MAP2K5: variants seen among roughly 807,000 people sequenced by gnomAD.
MAP2K5 encodes mitogen-activated protein kinase kinase 5.
A neutral mutation model predicts 83.1 loss-of-function variants in MAP2K5; 49 were observed. That is an observed-to-expected ratio of 0.59 (90% CI 0.47 to 0.75). The LOEUF (loss-of-function observed/expected upper bound fraction) is 0.75. MAP2K5 is among the 30% of genes least tolerant of loss of function. The probability of loss-of-function intolerance (pLI) is 0.00; values close to 1 mark genes in which losing one functional copy is unlikely to be tolerated. For missense variants in MAP2K5, 457 were observed against 557.5 expected (o/e 0.82, Z 1.82); for synonymous variants, 202 against 191.8 (o/e 1.05, Z -0.44).
At position 67,802,875 on chromosome 15, in the gene MAP2K5, A is replaced by G. The variant is rs930845543; in HGVS notation, c.1243-3771A>G. On this transcript the variant is annotated intron_variant, in intron 21 of 21. Transcript: ENST00000178640. The surrounding 1 kb of genome is among the most constrained non-coding windows in gnomAD (Gnocchi z 5.0). ...CTGGGAGGGATGTACATTTCACCCA[A>G]GCCCAGGGGAGGGACCAGCCGCAGG... Among the ~76,000 whole-genome samples the G allele has an allele frequency of 3.3e-5, 5 of 152,220 alleles. No individual in the cohort carries two copies. The highest frequency in any genetic ancestry group is 1.2e-4 in the African/African-American group (5 of 41,462).
intron 3 of MAP2K5, among the ~76,000 whole-genome samples, chr15:67,568,706 A>C (rs2140974175): frequency 6.6e-6 from 1 of 152,252 alleles, no homozygotes; most frequent in East Asian, 1.9e-4. Context: ...TTGTAGAGAA[A>C]TGTAAAAAAT....
chr15:67,713,735 C>G (rs937422973), intron 16 of MAP2K5, among the ~76,000 whole-genome samples: 2 of 122,886 alleles, frequency 1.6e-5, no homozygotes, highest in African/African-American at 6.0e-5. Context: ...GACTCCGTCT[C>G]AAAAAAAAAA....
At chr15:67,707,032 C>T (rs1228142254) in intron 16 of MAP2K5, among the ~76,000 whole-genome samples, 1 of 152,232 alleles carries the variant, frequency 6.6e-6, no homozygotes, top group Non-Finnish European at 1.5e-5. Context: ...TCTCCTGCCT[C>T]AGCCTCCCGA....
chr15:67,666,023 T>A (rs2087369075), intron 13 of MAP2K5, among the ~76,000 whole-genome samples: 1 of 152,178 alleles, frequency 6.6e-6, no homozygotes, highest in Non-Finnish European at 1.5e-5. Context: ...TTCTCAAAAT[T>A]TTATTGATTC....
chr15:67,575,818 A>G (rs1261736996), intron 3 of MAP2K5, among the ~76,000 whole-genome samples: 1 of 151,960 alleles, frequency 6.6e-6, no homozygotes, highest in Non-Finnish European at 1.5e-5. Flanking sequence ...CCTAACACAC[A>G]TAGGTATCCA....
chr15:67,602,154 C>A (rs1461895329), intron 8 of MAP2K5, among the ~76,000 whole-genome samples: 2 of 152,210 alleles, frequency 1.3e-5, no homozygotes, highest in Non-Finnish European at 2.9e-5. Context: ...TCCCACGCAA[C>A]CTCCACTATA....
At position 67,562,498 on chromosome 15, in the gene MAP2K5, C is replaced by T. The variant is rs543658657; in HGVS notation, c.185-785C>T. 7.2e-5 allele frequency among the ~76,000 whole-genome samples: 11 copies of T among 152,260 alleles called. No homozygotes were observed. The highest frequency in any genetic ancestry group is 1.3e-4 in the Admixed American group (2 of 15,294). On this transcript the variant is annotated intron_variant, in intron 2 of 21. Transcript: ENST00000178640. This position sits in a 1 kb window ranked among gnomAD's most constrained non-coding sequence, Gnocchi z 4.1. ...TTTCTAGATGTGGCCTCTGATGATA[C>T]TTACTCAAATTTACACATTCTGGTT...
intron 8 of MAP2K5, among the ~76,000 whole-genome samples, chr15:67,623,325 A>G (rs2086229780): frequency 6.6e-6 from 1 of 152,242 alleles, no homozygotes; most frequent in South Asian, 2.1e-4. Flanking sequence ...TAAGAAATCT[A>G]GAAGTTGGAA....
intron 21 of MAP2K5, among the ~76,000 whole-genome samples, chr15:67,773,677 G>A (rs2090183680): frequency 6.6e-6 from 1 of 152,170 alleles, no homozygotes; most frequent in African/African-American, 2.4e-5. Context: ...TTCCAGGAAG[G>A]TACTTTCCTC....
Position 67,690,330 on chromosome 15 carries a change from A to AC in MAP2K5, c.848-2146dup, listed in dbSNP as rs1430081126. 1.3e-5 allele frequency among the ~76,000 whole-genome samples: 2 copies of AC among 152,112 alleles called. No homozygotes were observed. The highest frequency in any genetic ancestry group is 6.5e-5 in the Admixed American group (1 of 15,270). On this transcript the variant is annotated intron_variant, in intron 13 of 21. Coordinates refer to ENST00000178640, the MANE Select transcript of MAP2K5 (RefSeq NM_145160.3). This position sits in a 1 kb window ranked among gnomAD's most constrained non-coding sequence, Gnocchi z 4.3. ...CTACTGGGGCACACTTGAAAGCACA[A>AC]CCCTGTTCTTAAGGAATTCATGTTC...
chr15:67,650,283 G>A (rs1448934315), intron 11 of MAP2K5, among the ~76,000 whole-genome samples: 1 of 152,024 alleles, frequency 6.6e-6, no homozygotes, highest in Non-Finnish European at 1.5e-5. Flanking sequence ...TAGTTTTAGT[G>A]CTTTCTTTTC....
At position 67,781,798 on chromosome 15, in the gene MAP2K5, A is replaced by G. The variant is rs1022224060; in HGVS notation, c.1242+9046A>G. On this transcript the variant is annotated intron_variant, in intron 21 of 21. Coordinates refer to ENST00000178640, the MANE Select transcript of MAP2K5 (RefSeq NM_145160.3). This position sits in a 1 kb window ranked among gnomAD's most constrained non-coding sequence, Gnocchi z 4.0. ...CTTAGCTTCCTCAGAAGGCTTCTGA[A>G]TGGCCTGCATCTCTTTCTAAATTTG... Among the ~76,000 whole-genome samples, 1 of 152,218 alleles carries G rather than the reference A, an allele frequency of 6.6e-6. No homozygotes were observed. The highest frequency in any genetic ancestry group is 2.4e-5 in the African/African-American group (1 of 41,462).
chr15:67,724,381 G>A lies in MAP2K5; in HGVS notation c.1045-3535G>A, dbSNP rs1163372662. On this transcript the variant is annotated intron_variant, in intron 16 of 21. Transcript: ENST00000178640. This position sits in a 1 kb window ranked among gnomAD's most constrained non-coding sequence, Gnocchi z 4.4. The stretch of plus-strand genomic sequence containing the variant: ...CTTTTGACAGCCTCGTGGAGAACTC[G>A]TTCTTTTTTATTTATTTATTTATTT... Among the ~76,000 whole-genome samples, 3 of 151,912 alleles carry A rather than the reference G, an allele frequency of 2.0e-5. No homozygotes were observed. The highest frequency in any genetic ancestry group is 2.9e-5 in the Non-Finnish European group (2 of 67,962).
At chr15:67,752,362 C>A (rs2089737891) in intron 19 of MAP2K5, among the ~76,000 whole-genome samples, 1 of 151,286 alleles carries the variant, frequency 6.6e-6, no homozygotes, top group Non-Finnish European at 1.5e-5. Context: ...TTTAGTTTTG[C>A]TAAGGTCACT....
intron 9 of MAP2K5, among the ~76,000 whole-genome samples, chr15:67,634,919 T>G (rs1201407806): frequency 6.6e-6 from 1 of 152,220 alleles, no homozygotes; most frequent in African/African-American, 2.4e-5. Flanking sequence ...TGATTATTGA[T>G]ATGTTTGGAT....
rs1316262720 is a variant in MAP2K5 at position 67,665,753 on chromosome 15, CTAGAG to C, written c.847+1111_847+1115del. On this transcript the variant is annotated intron_variant, in intron 13 of 21. Transcript: ENST00000178640. The surrounding 1 kb of genome is among the most constrained non-coding windows in gnomAD (Gnocchi z 4.2). ...TTTTTAAAGCCAGTCCACTCCATTT[CTAGAG>C]TATAGTTGGTGCGAAAGGTAGGTGT... Among the ~76,000 whole-genome samples, 1 of 152,056 alleles carries C rather than the reference CTAGAG, an allele frequency of 6.6e-6. No homozygotes were observed. The highest frequency in any genetic ancestry group is 2.4e-5 in the African/African-American group (1 of 41,394).
intron 8 of MAP2K5, among the ~76,000 whole-genome samples, chr15:67,623,944 T>C (rs531816052): frequency 1.3e-5 from 2 of 151,860 alleles, no homozygotes; most frequent in Admixed American, 1.3e-4. Context: ...TCTCATTGGA[T>C]CCTCACAACT....
intron 8 of MAP2K5, among the ~76,000 whole-genome samples, chr15:67,626,969 G>C (rs150865396): frequency 3.2e-4 from 49 of 151,462 alleles, no homozygotes; most frequent in Non-Finnish European, 6.0e-4. Context: ...GTCTCGCTCT[G>C]TCACCCGGGC....
intron 21 of MAP2K5, among the ~76,000 whole-genome samples, chr15:67,804,104 TG>T (rs2090754250): frequency 6.6e-6 from 1 of 152,176 alleles, no homozygotes; most frequent in Non-Finnish European, 1.5e-5. Flanking sequence ...TGCCAGGCTC[TG>T]GGTGTAATGG....
Sources: gnomAD v4.1 joint callset for allele counts (sites outside exome capture counted in the v4.1 genomes callset) on GRCh38, gnomAD v4.1.1 for gene constraint, Gnocchi (gnomAD v3.1) non-coding constraint, MANE v1.5 for transcripts, NCBI Gene and HGNC (gene_info 2026-07-23, HGNC 2026-07-21) for gene names.